STK32B: variants seen among roughly 807,000 people sequenced by gnomAD.
The protein encoded by STK32B is serine/threonine-protein kinase 32B.
Under a neutral mutation model 52.6 loss-of-function variants are expected in STK32B, and 43 were observed. That is an observed-to-expected ratio of 0.82 (90% CI 0.64 to 1.05). The LOEUF (loss-of-function observed/expected upper bound fraction) is 1.05. STK32B is among the 50% of genes least tolerant of loss of function. STK32B has a pLI of 0.00. For missense variants in STK32B, 621 were observed against 534.6 expected, an observed-to-expected ratio of 1.16 and a Z score of -1.59; for synonymous variants, 238 against 204.3, an observed-to-expected ratio of 1.17 and a Z score of -1.41.
chr4:5,332,889 T>C lies in STK32B; in HGVS notation c.434+1496T>C, dbSNP rs1375773111. Among the ~76,000 whole-genome samples, 14 of 152,246 alleles carry C rather than the reference T, an allele frequency of 9.2e-5. No homozygotes were observed. The East Asian group carries it at 9.7e-4, about 11-fold the overall frequency. ...ATGTGCCACATTTTCTTAATCCAGTTTATCATTGTTGGACATTTGGGTTGG... is the reference window on the plus strand; with the variant it reads ...ATGTGCCACATTTTCTTAATCCAGTCTATCATTGTTGGACATTTGGGTTGG... On this transcript the variant is annotated intron_variant, in intron 4 of 11. Coordinates refer to ENST00000282908, the MANE Select transcript of STK32B (RefSeq NM_018401.3).
chr4:5,476,951 GACT>G (rs1718286942), intron 11 of STK32B, among the ~76,000 whole-genome samples: 1 of 151,910 alleles, frequency 6.6e-6, no homozygotes, highest in Admixed American at 6.6e-5. Flanking sequence ...GACAAGGAAG[GACT>G]TCCCCCTGCA....
intron 1 of STK32B, among the ~76,000 whole-genome samples, chr4:5,087,807 G>C (rs753453248): frequency 6.6e-6 from 1 of 151,558 alleles, no homozygotes; most frequent in Admixed American, 6.6e-5. Flanking sequence ...AGCAAAAAGC[G>C]GCAGAATTGA....
intron 3 of STK32B, among the ~76,000 whole-genome samples, chr4:5,177,338 G>GT (rs1276967294): frequency 1.3e-5 from 2 of 152,146 alleles, no homozygotes; most frequent in Non-Finnish European, 2.9e-5. Context: ...TGAGAACTCA[G>GT]TATCACCAGA....
At chr4:5,347,966 G>A (rs1156791460) in intron 4 of STK32B, among the ~76,000 whole-genome samples, 1 of 152,104 alleles carries the variant, frequency 6.6e-6, no homozygotes, top group Non-Finnish European at 1.5e-5. Context: ...GCATGATAAT[G>A]GAATAAGACA....
chr4:5,481,074 T>G (rs1718661337), intron 11 of STK32B, among the ~76,000 whole-genome samples: 1 of 152,198 alleles, frequency 6.6e-6, no homozygotes. Flanking sequence ...GCAGCATGAT[T>G]TATAATCCTT....
chr4:5,101,930 T>A (rs993280951), intron 1 of STK32B, among the ~76,000 whole-genome samples: 1 of 152,220 alleles, frequency 6.6e-6, no homozygotes, highest in African/African-American at 2.4e-5. Context: ...TATTTATTTA[T>A]AAAGTCATCT....
chr4:5,444,601 C>A lies in STK32B; in HGVS notation c.563-2072C>A, dbSNP rs1284940173. On this transcript the variant is annotated intron_variant, in intron 6 of 11. Transcript: ENST00000282908. ...CTGGGAGCTGTTGACCGGAGCTGTT[C>A]CTATTCGGCCATCTTGGCTCCTCCC... Among the ~76,000 whole-genome samples the A allele has an allele frequency of 5.3e-5, 8 of 152,218 alleles. No individual in the cohort carries two copies. The South Asian group carries it at 1.4e-3, about 28-fold the overall frequency.
At chr4:5,103,614 A>G (rs1317473515) in intron 1 of STK32B, among the ~76,000 whole-genome samples, 1 of 152,172 alleles carries the variant, frequency 6.6e-6, no homozygotes, top group African/African-American at 2.4e-5. Flanking sequence ...TCTGTAGGGT[A>G]GGTACTCTAA....
intron 4 of STK32B, among the ~76,000 whole-genome samples, chr4:5,335,538 T>C (rs1732609295): frequency 6.6e-6 from 1 of 152,164 alleles, no homozygotes; most frequent in South Asian, 2.1e-4. Context: ...ATGTGGTTGC[T>C]CTTGCTTTTT....
chr4:5,251,563 C>G (rs528464555), intron 3 of STK32B, among the ~76,000 whole-genome samples: 25 of 150,776 alleles, frequency 1.7e-4, no homozygotes, highest in African/African-American at 5.2e-4. Context: ...GTTATTCAGG[C>G]TCTCTCTTTT....
chr4:5,431,790 T>C lies in STK32B; in HGVS notation c.562+14856T>C, dbSNP rs550844209. 2.0e-5 allele frequency among the ~76,000 whole-genome samples: 3 copies of C among 152,308 alleles called. No individual in the cohort carries two copies. The East Asian group carries it at 5.8e-4, about 29-fold the overall frequency. On this transcript the variant is annotated intron_variant, in intron 6 of 11. Transcript: ENST00000282908. Reference sequence around the variant, plus strand: ...AAATTATCAGACTGATGCAGTGGTTTCATGTTATCTCAAATTAATATGTAA... The same window carrying C: ...AAATTATCAGACTGATGCAGTGGTTCCATGTTATCTCAAATTAATATGTAA...
At chr4:5,331,522 A>G in intron 4 of STK32B, 129 bp downstream of exon 4, 1 of 936,322 alleles carries the variant, frequency 1.1e-6, no homozygotes, top group Non-Finnish European at 1.5e-6. Flanking sequence ...ATGAGGGAAA[A>G]AAGCAGAACA....
intron 5 of STK32B, among the ~76,000 whole-genome samples, chr4:5,409,491 G>A (rs6834313): frequency 0.046 from 6,949 of 152,260 alleles, 182 homozygotes; most frequent in African/African-American, 0.062. Context: ...ACTAATGAAC[G>A]TCAGAAGCTA....
At chr4:5,137,252 C>G (rs1017068536) in intron 1 of STK32B, among the ~76,000 whole-genome samples, 3 of 152,154 alleles carry the variant, frequency 2.0e-5, no homozygotes, top group African/African-American at 7.2e-5. Context: ...CCCACCTGGC[C>G]AATGCTCAAT....
intron 3 of STK32B, among the ~76,000 whole-genome samples, chr4:5,257,617 A>G (rs1726415070): frequency 6.6e-6 from 1 of 152,196 alleles, no homozygotes; most frequent in African/African-American, 2.4e-5. Context: ...TTCTGCCATG[A>G]TCGCTTCAGT....
At chr4:5,284,992 C>T (rs1728452944) in intron 3 of STK32B, among the ~76,000 whole-genome samples, 1 of 151,734 alleles carries the variant, frequency 6.6e-6, no homozygotes. Flanking sequence ...GCTGTGGTTG[C>T]CCACCATTTT....
At chr4:5,099,649 TGAAA>T (rs1319500774) in intron 1 of STK32B, among the ~76,000 whole-genome samples, 1 of 152,070 alleles carries the variant, frequency 6.6e-6, no homozygotes, top group African/African-American at 2.4e-5. Flanking sequence ...AGATAGGATT[TGAAA>T]GAATAAATTT....
intron 5 of STK32B, among the ~76,000 whole-genome samples, chr4:5,408,464 A>C (rs542057171): frequency 6.6e-6 from 1 of 152,254 alleles, no homozygotes; most frequent in South Asian, 2.1e-4. Context: ...CCAGAAACCA[A>C]GGAGGTGCCA....
At chr4:5,079,366 A>G (rs1053263608) in intron 1 of STK32B, among the ~76,000 whole-genome samples, 1 of 152,208 alleles carries the variant, frequency 6.6e-6, no homozygotes, top group Non-Finnish European at 1.5e-5. Context: ...ACATTTTTCT[A>G]TCAATCTTGA....
Sources: gnomAD v4.1 joint callset for allele counts (sites outside exome capture counted in the v4.1 genomes callset) on GRCh38, gnomAD v4.1.1 for gene constraint, MANE v1.5 for transcripts, NCBI Gene and HGNC (gene_info 2026-07-23, HGNC 2026-07-21) for gene names.